Variants in WDFY3 observed in about 807,000 individuals in gnomAD.
WDFY3 encodes the protein WD repeat and FYVE domain containing 3.
In WDFY3, 66 loss-of-function variants were observed where a neutral mutation model predicts 409.6. The observed-to-expected ratio is 0.16, with a 90% CI of 0.13 to 0.20. WDFY3 has a LOEUF of 0.20. Ranked by LOEUF, WDFY3 falls within the 10% of genes least tolerant of loss-of-function variation. The pLI is 1.00. For synonymous variants in WDFY3, 1,521 were observed against 1,537.1 expected (o/e 0.99, Z 0.25); for missense variants, 3,031 against 4,298.1 (o/e 0.71, Z 8.24).
intron 53 of WDFY3, among the ~76,000 whole-genome samples, chr4:84,705,813 T>C (rs1392674064): frequency 6.6e-6 from 1 of 152,074 alleles, no homozygotes; most frequent in African/African-American, 2.4e-5. Context: ...AGAGGGAAAA[T>C]ACTTCCAAGT....
At chr4:84,797,779 T>C (rs1259356607) in intron 18 of WDFY3, among the ~76,000 whole-genome samples, 1 of 151,792 alleles carries the variant, frequency 6.6e-6, no homozygotes, top group African/African-American at 2.4e-5. Flanking sequence ...GAGACGGGGT[T>C]TCACCATGGT....
intron 2 of WDFY3, among the ~76,000 whole-genome samples, chr4:84,909,203 C>A (rs1483253370): frequency 1.3e-5 from 2 of 151,984 alleles, no homozygotes; most frequent in Non-Finnish European, 2.9e-5. Context: ...AAGGGAGTTA[C>A]AGGGAGGGCA....
chr4:84,918,436 C>A lies in WDFY3; in HGVS notation c.-132+13834G>T, dbSNP rs188504001. 3.4e-4 allele frequency among the ~76,000 whole-genome samples: 52 copies of A among 152,174 alleles called. 2 individuals are homozygous for A. In the East Asian group the frequency reaches 9.8e-3, roughly 29 times the overall value. Reference sequence around the variant, plus strand: ...ACAGTTAAGTGCCAAAGTGCTTACACAGACAATATGCTATCTTTTGTGTTG... The same window carrying A: ...ACAGTTAAGTGCCAAAGTGCTTACAAAGACAATATGCTATCTTTTGTGTTG... On this transcript the variant is annotated intron_variant, in intron 2 of 67. Coordinates refer to ENST00000295888, the MANE Select transcript of WDFY3 (RefSeq NM_014991.6).
At chr4:84,775,925 A>G (rs1745474742) in intron 27 of WDFY3, among the ~76,000 whole-genome samples, 1 of 152,084 alleles carries the variant, frequency 6.6e-6, no homozygotes, top group Non-Finnish European at 1.5e-5. Flanking sequence ...GACAGAATTC[A>G]CTGCCAATAT....
In WDFY3 at chr4:84,821,848, T is replaced by C. The variant is rs77259219; in HGVS notation, c.1124-297A>G. 8.2e-3 allele frequency among the ~76,000 whole-genome samples: 1,249 copies of C among 152,290 alleles called. 21 individuals carry two copies. The highest frequency in any genetic ancestry group is 0.029 in the African/African-American group (1,197 of 41,566). On this transcript the variant is annotated intron_variant, in intron 10 of 67. Coordinates refer to ENST00000295888, the MANE Select transcript of WDFY3 (RefSeq NM_014991.6). ...GCATATTATTATAAACATCCATGCT[T>C]CAGAGTTTAGAGTGGTAGTTTTATT... is the stretch of plus-strand genomic sequence containing the variant.
At position 84,897,204 on chromosome 4, in the gene WDFY3, T is replaced by C. The variant is rs557525230; in HGVS notation, c.-131-194A>G. Among the ~76,000 whole-genome samples the C allele has an allele frequency of 4.6e-5, 7 of 152,296 alleles. No individual in the cohort carries two copies. The South Asian group carries it at 1.4e-3, about 32-fold the overall frequency. ...CCACACTCTGTTCAAATTAAGTCTCTGGGGCTAGAGCCTGGGCAGTGTTTT... is the reference window on the plus strand; with the variant it reads ...CCACACTCTGTTCAAATTAAGTCTCCGGGGCTAGAGCCTGGGCAGTGTTTT... On this transcript the variant is annotated intron_variant, in intron 2 of 67. Coordinates refer to ENST00000295888, the MANE Select transcript of WDFY3 (RefSeq NM_014991.6).
Position 84,757,155 on chromosome 4 carries a change from T to C in WDFY3, c.5195A>G (p.Asn1732Ser), listed in dbSNP as rs1741602838. The C allele has an allele frequency of 1.9e-6, 3 of 1,613,092 alleles. No homozygotes were observed. The highest frequency in any genetic ancestry group is 1.3e-5 in the African/African-American group (1 of 74,904). Residue 1732 changes from asparagine (N) to serine (S), a missense_variant, in exon 33 of 68, where the codon AAC (asparagine) becomes AGC (serine). Physicochemically the swap from Asn to Ser is conservative, Grantham distance 46. Around this residue, in one of 16 missense-constraint regions of WDFY3, gnomAD observed 342 missense variants for 463.7 expected, o/e 0.74. Transcript: ENST00000295888. Reference protein sequence around the residue: ...TNKIGTVLGFNVGRSAGGRST... With the variant: ...TNKIGTVLGFSVGRSAGGRST... Reference sequence around the variant, plus strand: ...TCTCCCACCAGCACTTCTGCCCACGTTGAATCCTAAGAGAAGAGGAATATA... The same window carrying C: ...TCTCCCACCAGCACTTCTGCCCACGCTGAATCCTAAGAGAAGAGGAATATA...
intron 38 of WDFY3, 123 bp downstream of exon 38, chr4:84,741,638 C>T (rs1329483755): frequency 8.5e-7 from 1 of 1,182,686 alleles, no homozygotes; most frequent in Non-Finnish European, 1.2e-6. Context: ...TTTTAATAAG[C>T]TTAGCTTTTT....
Position 84,672,566 on chromosome 4 carries a change from G to C in WDFY3, c.*302C>G. The C allele has an allele frequency of 4.8e-6, 1 of 206,804 alleles. No homozygotes were observed. The highest frequency in any genetic ancestry group is 9.6e-6 in the Non-Finnish European group (1 of 104,120). 12.8% of individuals were successfully genotyped at this position (206,804 alleles called of 1,614,324 possible). A position where few individuals can be genotyped will look rare whatever the true frequency, so the allele number is the denominator to read the frequency against. On this transcript the variant is annotated 3_prime_UTR_variant, in exon 68 of 68. Transcript: ENST00000295888. ...TATAAAAATGAGATGCAAGAAAAGA[G>C]AGTTAATAAGTGAGGATTTTTCTCT...
At chr4:84,787,429 A>G in intron 23 of WDFY3, 53 bp downstream of exon 23, 2 of 1,534,834 alleles carry the variant, frequency 1.3e-6, no homozygotes, top group Non-Finnish European at 1.8e-6. Context: ...ATGCATCTAT[A>G]TTGCAGGAGT....
At chr4:84,837,996 T>C (rs972672836) in intron 6 of WDFY3, among the ~76,000 whole-genome samples, 2 of 152,120 alleles carry the variant, frequency 1.3e-5, no homozygotes, top group Non-Finnish European at 2.9e-5. Flanking sequence ...TGGTAGTATA[T>C]ACAGGCTAAT....
At chr4:84,869,666 T>A (rs1424349936) in intron 3 of WDFY3, among the ~76,000 whole-genome samples, 1 of 152,138 alleles carries the variant, frequency 6.6e-6, no homozygotes, top group Non-Finnish European at 1.5e-5. Flanking sequence ...GACAAACTTA[T>A]GGCCAAAAAT....
intron 3 of WDFY3, among the ~76,000 whole-genome samples, chr4:84,888,127 T>C (rs1449124113): frequency 6.6e-6 from 1 of 152,198 alleles, no homozygotes; most frequent in Non-Finnish European, 1.5e-5. Context: ...TCTCCCGCTA[T>C]CTTTAATTCA....
intron 36 of WDFY3, among the ~76,000 whole-genome samples, chr4:84,748,786 T>C (rs1387252284): frequency 1.3e-5 from 2 of 152,190 alleles, no homozygotes; most frequent in Non-Finnish European, 2.9e-5. Context: ...CTAACACTCA[T>C]AGGACTGAAG....
At position 84,796,873 on chromosome 4, in the gene WDFY3, C is replaced by A; in HGVS notation, c.2936-121G>T. On this transcript the variant is annotated intron_variant, in intron 18 of 67. Transcript: ENST00000295888. ...TAGACAATAATTTTTTTTTAAGTGCCAAGATCATTATCCAGTTTTAATGTA... is the reference window on the plus strand; with the variant it reads ...TAGACAATAATTTTTTTTTAAGTGCAAAGATCATTATCCAGTTTTAATGTA... The A allele has an allele frequency of 5.4e-6, 4 of 739,962 alleles. No homozygotes were observed. In the South Asian group the frequency reaches 5.8e-5, roughly 11 times the overall value. The allele number at this position is 739,962 out of a possible 1,614,324, so 45.8% of individuals were successfully genotyped here.
chr4:84,919,808 C>T (rs1237205522), intron 2 of WDFY3, among the ~76,000 whole-genome samples: 1 of 152,152 alleles, frequency 6.6e-6, no homozygotes, highest in Non-Finnish European at 1.5e-5. Flanking sequence ...CTTTATAAAT[C>T]ACCCAGTCTC....
chr4:84,957,778 T>G (rs1774428994), intron 1 of WDFY3, among the ~76,000 whole-genome samples: 1 of 152,216 alleles, frequency 6.6e-6, no homozygotes, highest in East Asian at 1.9e-4. Flanking sequence ...ATCATTAACT[T>G]ATTTCTGGTG....
chr4:84,677,436 C>A, intron 66 of WDFY3, 40 bp from the exon 67 acceptor site: 1 of 1,508,434 alleles, frequency 6.6e-7, no homozygotes, highest in East Asian at 2.3e-5. Context: ...GCACGGAAGG[C>A]TTCTGTGATC....
At chr4:84,800,987 C>T (rs920719660) in intron 17 of WDFY3, among the ~76,000 whole-genome samples, 9 of 152,124 alleles carry the variant, frequency 5.9e-5, no homozygotes, top group Middle Eastern at 3.4e-3. Flanking sequence ...CTGCTCATAA[C>T]GACAAAACTA....
Sources: gnomAD v4.1 joint callset for allele counts (sites outside exome capture counted in the v4.1 genomes callset) on GRCh38, gnomAD v4.1.1 for gene constraint, gnomAD v4.1.1 regional missense constraint, MANE v1.5 for transcripts, NCBI Gene and HGNC (gene_info 2026-07-23, HGNC 2026-07-21) for gene names.